The following SATB2 variants were observed in gnomAD, a reference collection of about 807,000 sequenced individuals.
SATB2 encodes the protein SATB homeobox 2.
SATB2 carries 1 observed loss-of-function variant against 73.4 expected under a neutral mutation model. The observed-to-expected ratio is 0.01, with a 90% CI of 0.00 to 0.06. SATB2 has a LOEUF of 0.06. Among genes scored for constraint, SATB2 ranks in the 10% least tolerant of loss-of-function variants. The pLI is 1.00. For synonymous variants in SATB2, 397 were observed against 367.0 expected (o/e 1.08, Z -0.93); for missense variants, 459 against 945.8 (o/e 0.49, Z 6.75).
chr2:199,386,046 T>C (rs185672968), intron 3 of SATB2, among the ~76,000 whole-genome samples: 15 of 152,270 alleles, frequency 9.9e-5, no homozygotes, highest in African/African-American at 3.6e-4. Context: ...CCTTGTAAGT[T>C]TCTTAGTGTA....
At chr2:199,281,878 C>T (rs1382311745) in intron 10 of SATB2, among the ~76,000 whole-genome samples, 2 of 125,508 alleles carry the variant, frequency 1.6e-5, no homozygotes, top group Non-Finnish European at 3.3e-5. Flanking sequence ...TCCATATTCT[C>T]TCTCTTTTTT....
chr2:199,347,375 T>A (rs1333360774), intron 7 of SATB2: 2 of 152,222 alleles, frequency 1.3e-5, no homozygotes, highest in South Asian at 2.1e-4. Context: ...TCAGTTGTTT[T>A]ATGTCTTCAA....
chr2:199,436,411 G>A (rs1691652242), intron 2 of SATB2, among the ~76,000 whole-genome samples: 1 of 151,210 alleles, frequency 6.6e-6, no homozygotes, highest in African/African-American at 2.4e-5. Flanking sequence ...ATCCCCTACT[G>A]GCATCATCTA....
chr2:199,299,501 T>C (rs998263008), intron 10 of SATB2, among the ~76,000 whole-genome samples: 11 of 152,076 alleles, frequency 7.2e-5, no homozygotes, highest in Admixed American at 3.3e-4. Context: ...GAGGAAGAAA[T>C]AGAACCTATG....
intron 9 of SATB2, among the ~76,000 whole-genome samples, chr2:199,314,547 T>A (rs1273202100): frequency 6.6e-6 from 1 of 152,154 alleles, no homozygotes; most frequent in African/African-American, 2.4e-5. Flanking sequence ...ATGCAATGAA[T>A]GGGCTAGTAC....
At chr2:199,468,602 G>A (rs1252570830), upstream of SATB2, among the ~76,000 whole-genome samples, 1 of 152,226 alleles carries the variant, frequency 6.6e-6, no homozygotes, top group South Asian at 2.1e-4. Context: ...CTCCCTGAGC[G>A]GAGCTCCAGT....
chr2:199,379,630 T>C (rs557406412), intron 5 of SATB2, among the ~76,000 whole-genome samples: 37 of 151,966 alleles, frequency 2.4e-4, no homozygotes, highest in Admixed American at 7.2e-4. Context: ...TCCGATGAAA[T>C]ATGTGAGAAG....
intron 3 of SATB2, among the ~76,000 whole-genome samples, chr2:199,431,513 A>T (rs563249770): frequency 6.6e-6 from 1 of 152,252 alleles, no homozygotes; most frequent in East Asian, 1.9e-4. Flanking sequence ...ACTTATAAAT[A>T]GTAGAATATT....
upstream of SATB2, chr2:199,458,448 C>A (rs1390629589): frequency 2.5e-6 from 1 of 395,416 alleles, no homozygotes; most frequent in Non-Finnish European, 5.0e-6. Flanking sequence ...TGGCAGAGAA[C>A]CGAGTGCGGC....
chr2:199,461,544 C>A (rs1263550913), upstream of SATB2, among the ~76,000 whole-genome samples: 1 of 152,116 alleles, frequency 6.6e-6, no homozygotes, highest in Non-Finnish European at 1.5e-5. Context: ...TATCTAAAAC[C>A]CATTTTGTGC....
intron 10 of SATB2, among the ~76,000 whole-genome samples, chr2:199,278,092 G>T (rs1435750806): frequency 6.6e-6 from 1 of 152,148 alleles, no homozygotes; most frequent in African/African-American, 2.4e-5. Flanking sequence ...TGCATAAGGA[G>T]GAAGATTGTG....
intron 9 of SATB2, among the ~76,000 whole-genome samples, chr2:199,311,196 A>G (rs1358198940): frequency 1.3e-5 from 2 of 152,176 alleles, no homozygotes; most frequent in African/African-American, 4.8e-5. Flanking sequence ...TTCTTAAGGC[A>G]CCAGAGAACT....
At chr2:199,433,085 G>C (rs778257111) in intron 3 of SATB2, among the ~76,000 whole-genome samples, 1 of 152,142 alleles carries the variant, frequency 6.6e-6, no homozygotes, top group Non-Finnish European at 1.5e-5. Flanking sequence ...GAAAATAACA[G>C]TGTTATAAAT....
chr2:199,348,083 G>A (rs748189958), intron 7 of SATB2: 3 of 152,246 alleles, frequency 2.0e-5, no homozygotes, highest in African/African-American at 4.8e-5. Flanking sequence ...AAAATAAGAC[G>A]TGTGAATTAA....
At chr2:199,382,234 G>C (rs548647332) in intron 3 of SATB2, among the ~76,000 whole-genome samples, 1 of 152,128 alleles carries the variant, frequency 6.6e-6, no homozygotes, top group South Asian at 2.1e-4. Context: ...GAAAATTCCT[G>C]TGTGTGGGCT....
chr2:199,343,801 T>C (rs1040452908), intron 7 of SATB2, among the ~76,000 whole-genome samples: 1 of 152,226 alleles, frequency 6.6e-6, no homozygotes, highest in African/African-American at 2.4e-5. Flanking sequence ...TCATGTTGAT[T>C]GAAAGTGAAT....
Position 199,433,466 on chromosome 2 carries a change from A to G in SATB2, c.218T>C (p.Leu73Pro). Residue 73 changes from leucine (L) to proline (P), a missense_variant, in exon 3 of 11, where the codon CTT becomes CCT. Leu to Pro is a moderately conservative substitution (Grantham distance 98). Coordinates refer to ENST00000417098, the MANE Select transcript of SATB2 (RefSeq NM_001172509.2). ...FCVVEQLDGS[L>P]EYDNREEHAE... ...GTGTTCTTCTCTGTTGTCATATTCA[A>G]GAGAGCCGTCCAACTGCTCCACGAC... is the stretch of plus-strand genomic sequence containing the variant. 1 of 1,614,224 alleles carries G rather than the reference A, an allele frequency of 6.2e-7. No homozygotes were observed. Among genetic ancestry groups the G allele is most frequent in the African/African-American group, 1.3e-5 (1 of 75,058 alleles).
chr2:199,459,035 T>C (rs935547637), upstream of SATB2, among the ~76,000 whole-genome samples: 2 of 151,932 alleles, frequency 1.3e-5, no homozygotes, highest in Non-Finnish European at 2.9e-5. This position sits in a 1 kb window ranked among gnomAD's most constrained non-coding sequence, Gnocchi z 4.2. Flanking sequence ...GGTGCATCCC[T>C]GGATGGCATC....
intron 6 of SATB2, among the ~76,000 whole-genome samples, chr2:199,350,569 ATAAAT>A (rs1174371339): frequency 2.0e-5 from 3 of 152,198 alleles, no homozygotes; most frequent in Non-Finnish European, 4.4e-5. Flanking sequence ...ATATGTGGAA[ATAAAT>A]TAATACATTA....
Sources: allele counts gnomAD v4.1 joint callset (sites outside exome capture counted in the v4.1 genomes callset), GRCh38; gene constraint gnomAD v4.1.1; non-coding constraint Gnocchi (gnomAD v3.1); transcripts MANE v1.5; gene names NCBI Gene and HGNC (gene_info 2026-07-23, HGNC 2026-07-21).